The following MIS18A variants were observed in gnomAD, a reference collection of about 807,000 sequenced individuals.
MIS18A encodes the protein MIS18 kinetochore protein A, also known as protein Mis18-alpha.
MIS18A carries 14 observed loss-of-function variants against 25.0 expected under a neutral mutation model. That is an observed-to-expected ratio of 0.56 (90% CI 0.37 to 0.88). The LOEUF (loss-of-function observed/expected upper bound fraction) is 0.88, where lower values mean the gene tolerates loss of function less well. MIS18A is among the 40% of genes least tolerant of loss of function. The pLI, the probability that MIS18A is intolerant of heterozygous loss-of-function variation, is 0.00. For missense variants in MIS18A, 292 were observed against 290.8 expected (o/e 1.00, Z -0.03); for synonymous variants, 134 against 118.6 (o/e 1.13, Z -0.84).
At chr21:32,219,725 G>T in the MIS18A span, among the ~76,000 whole-genome samples, 2 of 152,286 alleles carry the variant, frequency 1.3e-5, no homozygotes, top group South Asian at 4.2e-4. Context: ...AGATCCACTG[G>T]TGTGAAATCC....
At chr21:32,161,419 G>A in the MIS18A span, among the ~76,000 whole-genome samples, 1 of 152,060 alleles carries the variant, frequency 6.6e-6, no homozygotes, top group East Asian at 1.9e-4. Context: ...CTAGTGTTAT[G>A]GGTTTTGGGG....
At chr21:32,190,463 T>C in the MIS18A span, among the ~76,000 whole-genome samples, 1 of 152,236 alleles carries the variant, frequency 6.6e-6, no homozygotes, top group African/African-American at 2.4e-5. Flanking sequence ...TCCCTCAAAA[T>C]GCATATGCCC....
At chr21:32,216,666 A>T in the MIS18A span, among the ~76,000 whole-genome samples, 1 of 152,242 alleles carries the variant, frequency 6.6e-6, no homozygotes, top group Non-Finnish European at 1.5e-5. Context: ...GCATGCCCAG[A>T]GCTATATCAT....
chr21:32,194,182 G>A, the MIS18A span, among the ~76,000 whole-genome samples: 1 of 152,140 alleles, frequency 6.6e-6, no homozygotes, highest in South Asian at 2.1e-4. Context: ...CCCTGAACCT[G>A]TGTGGAAAAT....
the MIS18A span, among the ~76,000 whole-genome samples, chr21:32,257,984 T>C: frequency 6.6e-6 from 1 of 152,218 alleles, no homozygotes; most frequent in African/African-American, 2.4e-5. Context: ...GCACTGTTCC[T>C]TAATCTTTCC....
chr21:32,250,290 G>C, the MIS18A span, among the ~76,000 whole-genome samples: 2,897 of 152,006 alleles, frequency 0.019, 95 homozygotes, highest in African/African-American at 0.065. Context: ...AACTCTCCCT[G>C]TCCCAATTAA....
At chr21:32,245,225 C>T in the MIS18A span, among the ~76,000 whole-genome samples, 1 of 152,176 alleles carries the variant, frequency 6.6e-6, no homozygotes, top group African/African-American at 2.4e-5. Flanking sequence ...AAAGAATGCT[C>T]CTGAACACCC....
At chr21:32,252,227 AAGAAGAAGAAGAAGGAGGAGGAG>A in the MIS18A span, among the ~76,000 whole-genome samples, 1 of 106,996 alleles carries the variant, frequency 9.3e-6, no homozygotes, top group Admixed American at 9.8e-5. Context: ...GAAGAAGAAG[AAGAAGAAGAAGAAGGAGGAGGAG>A]GAGGAGGAGG....
At chr21:32,277,028 G>A (rs2031824879) in intron 1 of MIS18A, among the ~76,000 whole-genome samples, 1 of 152,088 alleles carries the variant, frequency 6.6e-6, no homozygotes, top group Admixed American at 6.5e-5. Flanking sequence ...TAAATGTACA[G>A]AATGTAAATG....
At chr21:32,226,908 G>C in the MIS18A span, among the ~76,000 whole-genome samples, 1 of 152,064 alleles carries the variant, frequency 6.6e-6, no homozygotes, top group South Asian at 2.1e-4. Flanking sequence ...ATAATGAAAT[G>C]AAATTAGAAA....
chr21:32,173,928 A>T, the MIS18A span, among the ~76,000 whole-genome samples: 1 of 142,942 alleles, frequency 7.0e-6, no homozygotes, highest in Non-Finnish European at 1.5e-5. Context: ...TATGTGCATT[A>T]TATGTCAATA....
the MIS18A span, among the ~76,000 whole-genome samples, chr21:32,234,100 G>A: frequency 3.9e-5 from 6 of 152,154 alleles, no homozygotes; most frequent in Non-Finnish European, 5.9e-5. Flanking sequence ...GTCAACATCC[G>A]TTCATTATTT....
intron 1 of MIS18A, among the ~76,000 whole-genome samples, chr21:32,276,034 C>T (rs1282974010): frequency 6.6e-6 from 1 of 152,200 alleles, no homozygotes; most frequent in East Asian, 1.9e-4. Flanking sequence ...GAACAGACTA[C>T]AACGCCTTGC....
the MIS18A span, among the ~76,000 whole-genome samples, chr21:32,157,782 C>G: frequency 1.1e-3 from 165 of 151,944 alleles, 1 homozygote; most frequent in African/African-American, 3.8e-3. Context: ...CAAAAAGAAA[C>G]TTAGATTTTT....
At chr21:32,175,787 G>T in the MIS18A span, among the ~76,000 whole-genome samples, 15 of 151,640 alleles carry the variant, frequency 9.9e-5, no homozygotes, top group Admixed American at 6.6e-4. Flanking sequence ...TCCAGCCCAG[G>T]TGATAGTGAG....
At chr21:32,212,585 C>T in the MIS18A span, among the ~76,000 whole-genome samples, 3 of 152,226 alleles carry the variant, frequency 2.0e-5, no homozygotes, top group East Asian at 3.9e-4. Context: ...GCTGGTGATC[C>T]TTCTCCAGCT....
the MIS18A span, among the ~76,000 whole-genome samples, chr21:32,222,772 T>C: frequency 4.0e-5 from 6 of 150,656 alleles, no homozygotes; most frequent in African/African-American, 9.8e-5. Context: ...CTAATAAAAA[T>C]ACAAAAAAAT....
the MIS18A span, among the ~76,000 whole-genome samples, chr21:32,170,068 C>T: frequency 1.3e-5 from 2 of 152,090 alleles, no homozygotes; most frequent in African/African-American, 4.8e-5. Context: ...TAGACAAATA[C>T]TTTAAACAAA....
At chr21:32,260,752 C>A in the MIS18A span, 1 of 152,336 alleles carries the variant, frequency 6.6e-6, no homozygotes, top group African/African-American at 2.4e-5. Context: ...GTGGCTCATG[C>A]CTATAATCCC....
Sources: allele counts gnomAD v4.1 joint callset (sites outside exome capture counted in the v4.1 genomes callset), GRCh38; gene constraint gnomAD v4.1.1; transcripts MANE v1.5; gene names NCBI Gene and HGNC (gene_info 2026-07-23, HGNC 2026-07-21).